Variants in SPAG9 observed in about 807,000 individuals in gnomAD.
The protein encoded by SPAG9 is sperm associated antigen 9.
SPAG9 carries 35 observed loss-of-function variants against 166.5 expected under a neutral mutation model. The ratio of observed to expected loss-of-function variants is 0.21; its 90% CI spans 0.16 to 0.28. The LOEUF is 0.28. Ranked by LOEUF, SPAG9 falls within the 10% of genes least tolerant of loss-of-function variation. The pLI is 1.00. For missense variants in SPAG9, 1,235 were observed against 1,603.3 expected, an observed-to-expected ratio of 0.77 and a Z score of 3.92; for synonymous variants, 534 against 565.5, an observed-to-expected ratio of 0.94 and a Z score of 0.79.
chr17:50,996,300 C>T (rs1264301622), intron 16 of SPAG9: 2 of 396,174 alleles, frequency 5.0e-6, no homozygotes, highest in Non-Finnish European at 9.1e-6. Flanking sequence ...GCTCTGGTTA[C>T]AGCAGAGCGG....
chr17:51,076,649 T>A (rs1366272778), intron 2 of SPAG9, among the ~76,000 whole-genome samples: 1 of 151,270 alleles, frequency 6.6e-6, no homozygotes, highest in East Asian at 1.9e-4. Context: ...GGCAGGAGAA[T>A]CACTTGACCC....
intron 23 of SPAG9, 112 bp from the exon 24 acceptor site, chr17:50,985,102 G>A (rs2143765027): frequency 7.4e-6 from 6 of 806,906 alleles, no homozygotes; most frequent in South Asian, 6.0e-5. Context: ...ATGAGTTAAG[G>A]AGCTGACACC....
rs772428703 is a variant in SPAG9 at position 50,979,835 on chromosome 17, C to T, written c.3320G>A (p.Arg1107His). 3 of 1,614,132 alleles carry T rather than the reference C, an allele frequency of 1.9e-6. No homozygotes were observed. Among genetic ancestry groups the T allele is most frequent in the African/African-American group, 1.3e-5 (1 of 75,042 alleles). ...WVGDGVWVSI[R>H]LDSTLRLYHA... is the part of the protein sequence containing the mutation. The stretch of plus-strand genomic sequence containing the variant: ...ATAGAGACGGAGCGTAGAATCCAAG[C>T]GAATGGAGACCCACACGCCATCCCC... Residue 1107 changes from arginine (R) to histidine (H), a missense_variant, in exon 26 of 30, where the codon CGC becomes CAC. Arg to His is a conservative substitution (Grantham distance 29). This residue lies in a region of SPAG9 where 243 missense variants were observed against 358.6 expected (regional missense o/e 0.68). Transcript: ENST00000262013.
At chr17:51,105,573 A>G (rs1333075069) in intron 1 of SPAG9, among the ~76,000 whole-genome samples, 1 of 152,208 alleles carries the variant, frequency 6.6e-6, no homozygotes, top group Non-Finnish European at 1.5e-5. Flanking sequence ...GTAGCTTGAA[A>G]AAACACTTAA....
intron 10 of SPAG9, among the ~76,000 whole-genome samples, 156 bp downstream of exon 10, chr17:51,007,112 TG>T (rs1567990245): frequency 7.1e-6 from 1 of 139,916 alleles, no homozygotes; most frequent in Non-Finnish European, 1.6e-5. Context: ...AACATTAGGG[TG>T]TGTGTGTGTG....
At chr17:50,996,858 G>T (rs1361694363) in intron 15 of SPAG9, among the ~76,000 whole-genome samples, 164 bp from the exon 16 acceptor site, 3 of 152,194 alleles carry the variant, frequency 2.0e-5, no homozygotes, top group Non-Finnish European at 4.4e-5. Context: ...TGTTATAATA[G>T]GCCGGGCACG....
intron 12 of SPAG9, among the ~76,000 whole-genome samples, chr17:51,002,425 G>A (rs371189069): frequency 2.0e-5 from 3 of 152,120 alleles, no homozygotes; most frequent in Admixed American, 6.5e-5. Flanking sequence ...AAATCATAAA[G>A]AGTAGTGTGG....
At chr17:50,989,450 T>C (rs1975351329) in intron 21 of SPAG9, 2 of 579,398 alleles carry the variant, frequency 3.5e-6, no homozygotes, top group African/African-American at 1.9e-5. Flanking sequence ...TATACTTTTA[T>C]AGATAAGATT....
intron 2 of SPAG9, among the ~76,000 whole-genome samples, chr17:51,074,508 T>C (rs1487302651): frequency 6.6e-6 from 1 of 152,218 alleles, no homozygotes; most frequent in Non-Finnish European, 1.5e-5. Flanking sequence ...GTTTGTAAGT[T>C]CCTTAATTGT....
At chr17:51,061,334 C>T (rs748771602) in intron 2 of SPAG9, among the ~76,000 whole-genome samples, 2 of 151,950 alleles carry the variant, frequency 1.3e-5, no homozygotes, top group Non-Finnish European at 2.9e-5. Context: ...GAGATTAGGC[C>T]AGGAGCGGTG....
At chr17:51,080,154 GA>G (rs1330663585) in intron 1 of SPAG9, among the ~76,000 whole-genome samples, 1 of 152,116 alleles carries the variant, frequency 6.6e-6, no homozygotes, top group East Asian at 1.9e-4. Flanking sequence ...CATGTCCTAG[GA>G]ATAACTCCAC....
At chr17:51,062,706 T>C (rs1222650608) in intron 2 of SPAG9, among the ~76,000 whole-genome samples, 3 of 152,196 alleles carry the variant, frequency 2.0e-5, no homozygotes, top group Non-Finnish European at 4.4e-5. Flanking sequence ...TTCTCGTGCC[T>C]CAGCCTTCTG....
intron 8 of SPAG9, among the ~76,000 whole-genome samples, chr17:51,018,723 G>A (rs1256692520): frequency 1.3e-5 from 2 of 152,106 alleles, no homozygotes; most frequent in Admixed American, 6.5e-5. Context: ...CAGTCAGGAG[G>A]GGGCTGGACT....
intron 24 of SPAG9, among the ~76,000 whole-genome samples, chr17:50,984,611 G>A (rs1423600806): frequency 6.6e-6 from 1 of 152,130 alleles, no homozygotes; most frequent in South Asian, 2.1e-4. Context: ...GTGTGAACCC[G>A]GGAGGCGGAG....
Position 50,966,111 on chromosome 17 carries a change from T to C in SPAG9, c.*161A>G, listed in dbSNP as rs1973347702. 3 of 626,744 alleles carry C rather than the reference T, an allele frequency of 4.8e-6. No homozygotes were observed. The highest frequency in any genetic ancestry group is 3.6e-5 in the African/African-American group (2 of 54,880). The allele number at this position is 626,744 out of a possible 1,614,324, so 38.8% of individuals were successfully genotyped here. A position where few individuals can be genotyped will look rare whatever the true frequency, so the allele number is the denominator to read the frequency against. ...TAACACAGCTAGTTCCTCTGTATTG[T>C]TATGGTAGAACGGATTTTGTAATAT... is the stretch of plus-strand genomic sequence containing the variant. On this transcript the variant is annotated 3_prime_UTR_variant, in exon 30 of 30. Coordinates refer to ENST00000262013, the MANE Select transcript of SPAG9 (RefSeq NM_001130528.3).
At chr17:51,095,945 T>TGATATATATATATAGTGA (rs1555659765) in intron 1 of SPAG9, among the ~76,000 whole-genome samples, 1 of 110,096 alleles carries the variant, frequency 9.1e-6, no homozygotes, top group African/African-American at 4.3e-5. Context: ...AGTGATATAG[T>TGATATATATATATAGTGA]TATATATATA....
intron 3 of SPAG9, among the ~76,000 whole-genome samples, chr17:51,051,592 T>A (rs757787692): frequency 6.6e-6 from 1 of 152,114 alleles, no homozygotes; most frequent in African/African-American, 2.4e-5. Flanking sequence ...TGGTGGCATG[T>A]GCCTATAGTC....
rs112442746 is a variant in SPAG9 at position 51,011,295 on chromosome 17, CA to C, written c.1213+2936del. ...TACACAACGTAGTGAGATCTCACCT[CA>C]AAAAAAAAAAACAGTAATTGAAGTA... On this transcript the variant is annotated intron_variant, in intron 9 of 29. Coordinates refer to ENST00000262013, the MANE Select transcript of SPAG9 (RefSeq NM_001130528.3). Among the ~76,000 whole-genome samples, 369 of 112,656 alleles carry C rather than the reference CA, an allele frequency of 3.3e-3. 1 individual carries two copies. Among genetic ancestry groups the C allele is most frequent in the South Asian group, 0.012 (43 of 3,622 alleles). 73.9% of individuals were successfully genotyped at this position (112,656 alleles called of 152,430 possible).
intron 2 of SPAG9, among the ~76,000 whole-genome samples, chr17:51,076,989 G>GCTATCTAT (rs1197585096): frequency 9.9e-6 from 1 of 100,734 alleles, no homozygotes; most frequent in Admixed American, 1.1e-4. Flanking sequence ...ATCTTATCTA[G>GCTATCTAT]CTATCTAGCT....
Sources: gnomAD v4.1 joint callset for allele counts (sites outside exome capture counted in the v4.1 genomes callset) on GRCh38, gnomAD v4.1.1 for gene constraint, gnomAD v4.1.1 regional missense constraint, MANE v1.5 for transcripts, NCBI Gene and HGNC (gene_info 2026-07-23, HGNC 2026-07-21) for gene names.